Variants in ERGIC3 observed in about 807,000 individuals in gnomAD.
The protein encoded by ERGIC3 is endoplasmic reticulum-Golgi intermediate compartment protein 3.
In ERGIC3, 33 loss-of-function variants were observed where a neutral mutation model predicts 54.7. That is an observed-to-expected ratio of 0.60 (90% CI 0.46 to 0.81). The LOEUF is 0.81. ERGIC3 is among the 30% of genes least tolerant of loss of function. The pLI is 0.00. For synonymous variants in ERGIC3, 186 were observed against 189.8 expected (o/e 0.98, Z 0.16); for missense variants, 399 against 488.4 (o/e 0.82, Z 1.73).
In ERGIC3 at chr20:35,554,251, C is replaced by T. The variant is rs928486980; in HGVS notation, c.686-793C>T. 8 of 1,328,084 alleles carry T rather than the reference C, an allele frequency of 6.0e-6. No individual in the cohort carries two copies. The African/African-American group carries it at 8.6e-5, about 14-fold the overall frequency. The allele number at this position is 1,328,084 out of a possible 1,614,324, so 82.3% of individuals were successfully genotyped here. A position where few individuals can be genotyped will look rare whatever the true frequency, so the allele number is the denominator to read the frequency against. ...CCAGAAGGAGGCTTGTTAGCTGGGG[C>T]CAGACTGTGTTGCTGAGGCTGAATG... On this transcript the variant is annotated intron_variant, in intron 7 of 12. Coordinates refer to ENST00000348547, the MANE Select transcript of ERGIC3 (RefSeq NM_015966.3).
At chr20:35,547,371 T>C in intron 4 of ERGIC3, 41 bp from the exon 5 acceptor site, 1 of 1,531,836 alleles carries the variant, frequency 6.5e-7, no homozygotes, top group Non-Finnish European at 9.1e-7. Flanking sequence ...TTTCACTGTG[T>C]CTGGCCCCAG....
intron 3 of ERGIC3, 99 bp downstream of exon 3, chr20:35,542,699 G>A: frequency 6.2e-7 from 1 of 1,601,690 alleles, no homozygotes; most frequent in Non-Finnish European, 8.5e-7. Flanking sequence ...TGGACCCCAG[G>A]ACAACCTCCT....
chr20:35,549,215 C>G, intron 7 of ERGIC3: 1 of 477,532 alleles, frequency 2.1e-6, no homozygotes, highest in South Asian at 1.5e-5. Context: ...GTGGTAGGTA[C>G]TTGTTGAAAT....
chr20:35,547,622 G>A, intron 5 of ERGIC3, 117 bp downstream of exon 5: 1 of 840,016 alleles, frequency 1.2e-6, no homozygotes, highest in Non-Finnish European at 1.9e-6. Context: ...GAGTGGGCGG[G>A]GTATGTGCCT....
chr20:35,542,438 G>T (rs769479746), intron 2 of ERGIC3, 45 bp downstream of exon 2: 1 of 1,613,794 alleles, frequency 6.2e-7, no homozygotes, highest in South Asian at 1.1e-5. Flanking sequence ...GGCATTCTAG[G>T]AGTAGGACCT....
intron 7 of ERGIC3, among the ~76,000 whole-genome samples, chr20:35,553,160 A>G (rs1450189048): frequency 2.3e-5 from 3 of 131,818 alleles, no homozygotes; most frequent in South Asian, 2.4e-4. Flanking sequence ...ACATGCCACC[A>G]TGCCTGGCTA....
At chr20:35,556,376 C>G in intron 10 of ERGIC3, 105 bp downstream of exon 10, 1 of 1,223,762 alleles carries the variant, frequency 8.2e-7, no homozygotes, top group Non-Finnish European at 1.2e-6. Context: ...CTCGTCCTCA[C>G]ATGGCGAATA....
chr20:35,556,517 G>A (rs1568873587), intron 10 of ERGIC3: 10 of 550,212 alleles, frequency 1.8e-5, no homozygotes, highest in African/African-American at 5.7e-5. Context: ...GGTGCCCACC[G>A]TCTGCCTGCC....
intron 10 of ERGIC3, 49 bp downstream of exon 10, chr20:35,556,320 T>C (rs1177510720): frequency 6.3e-7 from 1 of 1,591,906 alleles, no homozygotes; most frequent in Non-Finnish European, 8.6e-7. Flanking sequence ...TGCCAAGCAC[T>C]GGAGTTCCTG....
At chr20:35,548,331 A>T (rs1303536412) in intron 5 of ERGIC3, among the ~76,000 whole-genome samples, 178 bp from the exon 6 acceptor site, 2 of 152,204 alleles carry the variant, frequency 1.3e-5, no homozygotes, top group Non-Finnish European at 2.9e-5. Flanking sequence ...TTAAAAATTA[A>T]AAAAAGAAAA....
chr20:35,548,090 C>T (rs2064659592), intron 5 of ERGIC3, among the ~76,000 whole-genome samples: 1 of 152,134 alleles, frequency 6.6e-6, no homozygotes, highest in South Asian at 2.1e-4. Context: ...GTGTGCAACT[C>T]AGTGGCATTA....
chr20:35,554,902 A>G, intron 7 of ERGIC3, 142 bp from the exon 8 acceptor site: 1 of 1,021,268 alleles, frequency 9.8e-7, no homozygotes, highest in Non-Finnish European at 1.5e-6. Flanking sequence ...GCTGTCCTTA[A>G]GCAGGACCAG....
At chr20:35,549,988 G>A (rs2064673144) in intron 7 of ERGIC3, among the ~76,000 whole-genome samples, 1 of 152,056 alleles carries the variant, frequency 6.6e-6, no homozygotes, top group Admixed American at 6.6e-5. Context: ...TAACCCCAGT[G>A]TAGGTCAGGG....
In ERGIC3 at chr20:35,555,037, C is replaced by T. The variant is rs373532105; in HGVS notation, c.686-7C>T. The T allele has an allele frequency of 8.1e-6, 13 of 1,613,580 alleles. No homozygotes were observed. In the African/African-American group the frequency reaches 1.3e-4, roughly 17 times the overall value. ...CCTTCTCCCTTGCCTTCTCCCTTCT[C>T]TCCTAGTCCATGACTTGCAGAGCTT... On this transcript the variant is annotated splice_polypyrimidine_tract_variant and splice_region_variant and intron_variant, in intron 7 of 12. Transcript: ENST00000348547.
intron 4 of ERGIC3, among the ~76,000 whole-genome samples, chr20:35,546,896 C>T (rs1025507291): frequency 6.6e-6 from 1 of 151,876 alleles, no homozygotes; most frequent in African/African-American, 2.4e-5. Flanking sequence ...TATCATGAGT[C>T]GGGAGGTCAG....
chr20:35,551,315 T>C (rs1452777012), intron 7 of ERGIC3, among the ~76,000 whole-genome samples: 1 of 144,946 alleles, frequency 6.9e-6, no homozygotes, highest in Admixed American at 6.9e-5. Context: ...AAAAAAAGGA[T>C]AGAGTTGCCA....
chr20:35,554,174 G>C (rs1381473228), intron 7 of ERGIC3, among the ~76,000 whole-genome samples: 1 of 152,180 alleles, frequency 6.6e-6, no homozygotes, highest in Non-Finnish European at 1.5e-5. Flanking sequence ...TGTCCTTCTA[G>C]GCCACTATTT....
At chr20:35,557,283 T>G in intron 12 of ERGIC3, 34 bp downstream of exon 12, 1 of 1,613,012 alleles carries the variant, frequency 6.2e-7, no homozygotes, top group South Asian at 1.1e-5. Context: ...AGCTGTGGGG[T>G]GGGGAGGGTA....
At chr20:35,549,400 G>A (rs563283446) in intron 7 of ERGIC3, 23 of 362,578 alleles carry the variant, frequency 6.3e-5, no homozygotes, top group South Asian at 4.4e-4. Flanking sequence ...CTGTTGGGGT[G>A]AACAAATGAG....
Sources: allele counts gnomAD v4.1 joint callset (sites outside exome capture counted in the v4.1 genomes callset), GRCh38; gene constraint gnomAD v4.1.1; transcripts MANE v1.5; gene names NCBI Gene and HGNC (gene_info 2026-07-23, HGNC 2026-07-21).